NDST3: variants seen among roughly 807,000 people sequenced by gnomAD.
NDST3 encodes the protein bifunctional heparan sulfate N-deacetylase/N-sulfotransferase 3.
NDST3 carries 58 observed loss-of-function variants against 96.1 expected under a neutral mutation model. The ratio of observed to expected loss-of-function variants is 0.60; its 90% confidence interval spans 0.49 to 0.75. NDST3 has a LOEUF of 0.75. Among genes scored for constraint, NDST3 ranks in the 30% least tolerant of loss-of-function variants. The pLI is 0.00. For missense variants in NDST3, 788 were observed against 1,034.2 expected, an observed-to-expected ratio of 0.76 and a Z score of 3.27; for synonymous variants, 333 against 359.7, an observed-to-expected ratio of 0.93 and a Z score of 0.84.
chr4:118,087,449 C>G (rs1260063822), intron 2 of NDST3, among the ~76,000 whole-genome samples: 1 of 152,120 alleles, frequency 6.6e-6, no homozygotes, highest in African/African-American at 2.4e-5. Context: ...AGCACTTCCA[C>G]CTATACATTC....
chr4:118,247,557 AAAAGAAAG>A (rs199914100), intron 12 of NDST3, among the ~76,000 whole-genome samples: 4 of 152,050 alleles, frequency 2.6e-5, no homozygotes, highest in Non-Finnish European at 2.9e-5. Context: ...TGTCTAAAAA[AAAAGAAAG>A]AAAGAAAGAA....
chr4:118,208,306 G>C lies in NDST3; in HGVS notation c.1540-16185G>C, dbSNP rs1194818559. Among the ~76,000 whole-genome samples, 5 of 144,116 alleles carry C rather than the reference G, an allele frequency of 3.5e-5. 1 individual carries two copies. Among genetic ancestry groups the C allele is most frequent in the African/African-American group, 1.3e-4 (5 of 38,946 alleles). The allele number at this position is 144,116 out of a possible 152,430, so 94.5% of individuals were successfully genotyped here. On this transcript the variant is annotated intron_variant, in intron 6 of 13. Transcript: ENST00000296499. ...TCACTGCAGCTGAAACAGCCCTCCA[G>C]ATGCCAGCAGCTTTGGCAGTAGGTG...
chr4:118,171,957 G>C (rs572053808), intron 6 of NDST3, among the ~76,000 whole-genome samples: 1 of 152,288 alleles, frequency 6.6e-6, no homozygotes, highest in East Asian at 1.9e-4. Flanking sequence ...CAGTTGTCTT[G>C]CTGATTCTAC....
intron 5 of NDST3, 97 bp downstream of exon 5, chr4:118,138,336 T>A: frequency 1.8e-6 from 2 of 1,086,480 alleles, no homozygotes; most frequent in Non-Finnish European, 2.6e-6. Context: ...AGCATAAATG[T>A]AGGAAAAGCT....
intron 2 of NDST3, among the ~76,000 whole-genome samples, chr4:118,089,419 T>C (rs1289146319): frequency 6.6e-6 from 1 of 151,984 alleles, no homozygotes; most frequent in Non-Finnish European, 1.5e-5. Context: ...GTCATTGATT[T>C]ACATCTGAAC....
chr4:118,229,540 AT>A (rs1478036402), intron 8 of NDST3, among the ~76,000 whole-genome samples: 3 of 152,208 alleles, frequency 2.0e-5, no homozygotes, highest in Non-Finnish European at 4.4e-5. Flanking sequence ...CAACTTAACA[AT>A]TTTTTAACAC....
At chr4:118,156,777 T>A (rs1023744795) in intron 6 of NDST3, among the ~76,000 whole-genome samples, 3 of 152,198 alleles carry the variant, frequency 2.0e-5, no homozygotes, top group Admixed American at 2.0e-4. Context: ...TTAACAAAAA[T>A]TCAAATGATT....
intron 4 of NDST3, among the ~76,000 whole-genome samples, chr4:118,128,707 A>G (rs1732337620): frequency 6.6e-6 from 1 of 151,990 alleles, no homozygotes; most frequent in Non-Finnish European, 1.5e-5. Context: ...TCATAGAATG[A>G]GCTTAGAAGT....
At chr4:118,210,774 CAA>C (rs34418586) in intron 6 of NDST3, among the ~76,000 whole-genome samples, 105 of 86,556 alleles carry the variant, frequency 1.2e-3, no homozygotes, top group East Asian at 2.5e-3. Flanking sequence ...GACTCCATCT[CAA>C]AAAAAAAAAA....
chr4:118,135,710 C>A (rs1398774048), intron 4 of NDST3, among the ~76,000 whole-genome samples: 1 of 152,070 alleles, frequency 6.6e-6, no homozygotes, highest in East Asian at 1.9e-4. Flanking sequence ...TGCACCAGCA[C>A]ACAAATAAAA....
intron 1 of NDST3, among the ~76,000 whole-genome samples, chr4:118,037,221 T>C (rs1017515406): frequency 4.6e-5 from 7 of 152,184 alleles, no homozygotes; most frequent in Non-Finnish European, 1.0e-4. Flanking sequence ...CAGTGAATAA[T>C]ACAAAATTTA....
At chr4:118,148,215 T>C (rs564579061) in intron 6 of NDST3, among the ~76,000 whole-genome samples, 1 of 152,246 alleles carries the variant, frequency 6.6e-6, no homozygotes, top group South Asian at 2.1e-4. Context: ...GGAGAATCAC[T>C]GGAATCCAGG....
At chr4:118,033,507 C>T (rs1723986465), upstream of NDST3, 1 of 151,936 alleles carries the variant, frequency 6.6e-6, no homozygotes, top group Non-Finnish European at 1.5e-5. Flanking sequence ...GGGCGGGAGC[C>T]CGGTCGATGG....
chr4:118,249,266 T>C (rs1472221316), intron 12 of NDST3, among the ~76,000 whole-genome samples: 1 of 152,212 alleles, frequency 6.6e-6, no homozygotes, highest in Admixed American at 6.5e-5. Context: ...CAAAAAGTAA[T>C]AGCTGCTCTG....
At chr4:118,237,358 A>C in intron 10 of NDST3, 138 bp downstream of exon 10, 1 of 626,812 alleles carries the variant, frequency 1.6e-6, no homozygotes, top group East Asian at 3.4e-5. Context: ...AAAATGGACA[A>C]GTTTTTCTTG....
At chr4:118,057,890 C>G (rs745908929) in intron 2 of NDST3, among the ~76,000 whole-genome samples, 1 of 151,970 alleles carries the variant, frequency 6.6e-6, no homozygotes, top group Non-Finnish European at 1.5e-5. Context: ...CTAGGAAGAC[C>G]AACCGTCCTG....
chr4:118,061,072 C>T (rs1725855320), intron 2 of NDST3, among the ~76,000 whole-genome samples: 1 of 152,082 alleles, frequency 6.6e-6, no homozygotes, highest in South Asian at 2.1e-4. Flanking sequence ...TTGATCATGA[C>T]CCCCCTCTGC....
intron 4 of NDST3, among the ~76,000 whole-genome samples, chr4:118,136,405 G>A (rs1221916684): frequency 6.6e-6 from 1 of 152,070 alleles, no homozygotes; most frequent in Non-Finnish European, 1.5e-5. Flanking sequence ...CATACCCCTA[G>A]CCTTCAATCA....
At chr4:118,128,304 T>C (rs1732296711) in intron 4 of NDST3, among the ~76,000 whole-genome samples, 1 of 152,098 alleles carries the variant, frequency 6.6e-6, no homozygotes, top group African/African-American at 2.4e-5. Flanking sequence ...CAATTCAGTA[T>C]GACACCAGCT....
Sources: gnomAD v4.1 joint callset for allele counts (sites outside exome capture counted in the v4.1 genomes callset) on GRCh38, gnomAD v4.1.1 for gene constraint, MANE v1.5 for transcripts, NCBI Gene and HGNC (gene_info 2026-07-23, HGNC 2026-07-21) for gene names.